ENAH: variants seen among roughly 807,000 people sequenced by gnomAD.
ENAH encodes ENAH actin regulator.
A neutral mutation model predicts 78.7 loss-of-function variants in ENAH; 23 were observed. The observed-to-expected ratio is 0.29, with a 90% CI of 0.21 to 0.41. The LOEUF is 0.41. Among genes scored for constraint, ENAH ranks in the 10% least tolerant of loss-of-function variants. The pLI, the probability that ENAH is intolerant of heterozygous loss-of-function variation, is 1.00. For synonymous variants in ENAH, 226 were observed against 241.0 expected, an observed-to-expected ratio of 0.94 and a Z score of 0.58; for missense variants, 544 against 691.0, an observed-to-expected ratio of 0.79 and a Z score of 2.39.
intron 1 of ENAH, among the ~76,000 whole-genome samples, chr1:225,593,409 G>GT (rs1558874092): frequency 8.1e-6 from 1 of 124,154 alleles, no homozygotes; most frequent in Non-Finnish European, 1.7e-5. Flanking sequence ...GTGGGGGGGG[G>GT]GGGGGGGGTG....
At chr1:225,616,816 G>T (rs1655804279) in intron 1 of ENAH, among the ~76,000 whole-genome samples, 1 of 152,034 alleles carries the variant, frequency 6.6e-6, no homozygotes, top group Non-Finnish European at 1.5e-5. Flanking sequence ...ATTAAGATTT[G>T]AAACCAGGCA....
At chr1:225,508,496 T>C (rs927757563) in intron 10 of ENAH, 7 of 152,200 alleles carry the variant, frequency 4.6e-5, no homozygotes, top group African/African-American at 1.7e-4. Flanking sequence ...TAGTCCCTCT[T>C]GGGGAAAAAA....
chr1:225,582,211 C>T (rs1239180651), intron 1 of ENAH, among the ~76,000 whole-genome samples: 17 of 152,126 alleles, frequency 1.1e-4, no homozygotes, highest in Admixed American at 1.1e-3. Flanking sequence ...GCCAGCTCCC[C>T]CTTTGCCTTC....
intron 1 of ENAH, among the ~76,000 whole-genome samples, chr1:225,621,023 G>T (rs1656777799): frequency 6.6e-6 from 1 of 152,022 alleles, no homozygotes; most frequent in African/African-American, 2.4e-5. Context: ...AAAAAAAAGT[G>T]TGGAGATAGT....
intron 1 of ENAH, among the ~76,000 whole-genome samples, chr1:225,573,856 T>C (rs895556638): frequency 3.9e-5 from 6 of 152,214 alleles, no homozygotes; most frequent in African/African-American, 1.4e-4. Context: ...CAGAAACATG[T>C]CTTCATCATC....
chr1:225,600,371 T>C (rs748511605), intron 1 of ENAH, among the ~76,000 whole-genome samples: 5 of 151,294 alleles, frequency 3.3e-5, no homozygotes, highest in Non-Finnish European at 7.4e-5. Context: ...GTCTAAAAAA[T>C]AATAATAAAT....
At chr1:225,562,177 T>G (rs1049189686) in intron 2 of ENAH, among the ~76,000 whole-genome samples, 3 of 151,916 alleles carry the variant, frequency 2.0e-5, no homozygotes, top group African/African-American at 4.8e-5. Context: ...CACCTCGGCC[T>G]CCCAAAGTAC....
intron 1 of ENAH, among the ~76,000 whole-genome samples, chr1:225,602,389 T>C (rs1159430605): frequency 1.3e-5 from 2 of 152,140 alleles, no homozygotes; most frequent in African/African-American, 2.4e-5. Context: ...CAGGCTAGTA[T>C]TGAATCTAAA....
chr1:225,533,301 A>G (rs1461448212), intron 3 of ENAH, among the ~76,000 whole-genome samples: 1 of 152,162 alleles, frequency 6.6e-6, no homozygotes, highest in Non-Finnish European at 1.5e-5. Flanking sequence ...GGATCAGGCA[A>G]AGTCTGTCAG....
At chr1:225,639,923 T>G (rs1660736338) in intron 1 of ENAH, among the ~76,000 whole-genome samples, 1 of 152,188 alleles carries the variant, frequency 6.6e-6, no homozygotes, top group Non-Finnish European at 1.5e-5. Flanking sequence ...CTACCTTACC[T>G]CTGGACCTCT....
chr1:225,611,291 C>CA (rs950987813), intron 1 of ENAH, among the ~76,000 whole-genome samples: 163 of 146,612 alleles, frequency 1.1e-3, no homozygotes, highest in Non-Finnish European at 1.3e-3. Flanking sequence ...TTGTCTCTAC[C>CA]AAAAAAAAAA....
chr1:225,548,240 A>G (rs1310855703), intron 3 of ENAH, among the ~76,000 whole-genome samples: 3 of 151,914 alleles, frequency 2.0e-5, no homozygotes, highest in African/African-American at 4.8e-5. Context: ...AGCATTCAAA[A>G]TAACATTTTC....
Position 225,537,726 on chromosome 1 carries a change from T to A in ENAH, c.350-7088A>T, listed in dbSNP as rs907276652. ...TCTTTAAGTTAGGCCTATTGACTTT[T>A]TTTTTTTTTTCACGGCTGTCCCTTT... On this transcript the variant is annotated intron_variant, in intron 3 of 13. Transcript: ENST00000366843. Among the ~76,000 whole-genome samples the A allele has an allele frequency of 2.6e-5, 4 of 152,056 alleles. No homozygotes were observed. The South Asian group carries it at 8.3e-4, about 32-fold the overall frequency.
intron 3 of ENAH, among the ~76,000 whole-genome samples, chr1:225,549,891 A>T (rs2096633308): frequency 1.3e-5 from 2 of 152,162 alleles, no homozygotes; most frequent in African/African-American, 4.8e-5. Context: ...TTATTACAAC[A>T]GTGTCCTGAA....
At chr1:225,513,052 G>C in intron 7 of ENAH, 36 bp from the exon 8 acceptor site, 2 of 1,522,562 alleles carry the variant, frequency 1.3e-6, no homozygotes, top group Middle Eastern at 1.7e-4. Flanking sequence ...CAACTCCTAT[G>C]TTAGACAACC....
intron 7 of ENAH, among the ~76,000 whole-genome samples, 188 bp downstream of exon 7, chr1:225,514,408 G>T (rs534849258): frequency 6.6e-6 from 1 of 151,802 alleles, no homozygotes; most frequent in African/African-American, 2.4e-5. Flanking sequence ...CAGGTGATCC[G>T]CCCACCCCAG....
chr1:225,646,878 T>A (rs1410003342), intron 1 of ENAH, among the ~76,000 whole-genome samples: 1 of 152,170 alleles, frequency 6.6e-6, no homozygotes, highest in Non-Finnish European at 1.5e-5. Flanking sequence ...ACACTAATAC[T>A]TCAAGAGTAT....
At chr1:225,611,475 C>T (rs10915849) in intron 1 of ENAH, among the ~76,000 whole-genome samples, 39,608 of 151,928 alleles carry the variant, frequency 0.26, 6,101 homozygotes, top group East Asian at 0.4. Flanking sequence ...TGCATCACCA[C>T]GCCCAGCTAA....
intron 1 of ENAH, among the ~76,000 whole-genome samples, chr1:225,569,431 A>G (rs2096749950): frequency 6.6e-6 from 1 of 152,208 alleles, no homozygotes; most frequent in South Asian, 2.1e-4. Flanking sequence ...CTATGTAACA[A>G]ACCTGCACGT....
Sources: allele counts gnomAD v4.1 joint callset (sites outside exome capture counted in the v4.1 genomes callset), GRCh38; gene constraint gnomAD v4.1.1; transcripts MANE v1.5; gene names NCBI Gene and HGNC (gene_info 2026-07-23, HGNC 2026-07-21).